The following APBB2 variants were observed in gnomAD, a reference collection of about 807,000 sequenced individuals.
APBB2 encodes amyloid beta precursor protein binding family B member 2, also known as Fe65-like 1.
A neutral mutation model predicts 82.5 loss-of-function variants in APBB2; 38 were observed. The ratio of observed to expected loss-of-function variants is 0.46; its 90% CI spans 0.36 to 0.60. The LOEUF (loss-of-function observed/expected upper bound fraction) is 0.60, where lower values mean the gene tolerates loss of function less well. APBB2 is among the 20% of genes least tolerant of loss of function. The pLI is 0.00. For synonymous variants in APBB2, 341 were observed against 368.2 expected (o/e 0.93, Z 0.85); for missense variants, 772 against 972.3 (o/e 0.79, Z 2.74).
chr4:41,117,291 TA>T (rs1291136925), intron 2 of APBB2, among the ~76,000 whole-genome samples: 21 of 133,272 alleles, frequency 1.6e-4, no homozygotes, highest in East Asian at 1.2e-3. Flanking sequence ...TTATTATTAT[TA>T]TTATTTTTTT....
chr4:41,167,870 G>A (rs918693417), intron 1 of APBB2, among the ~76,000 whole-genome samples: 1 of 152,228 alleles, frequency 6.6e-6, no homozygotes, highest in Non-Finnish European at 1.5e-5. Context: ...AAGGAGGAGA[G>A]CTGCACTGAA....
chr4:40,919,143 C>T (rs1325054398), intron 10 of APBB2, among the ~76,000 whole-genome samples: 1 of 152,082 alleles, frequency 6.6e-6, no homozygotes, highest in Non-Finnish European at 1.5e-5. Context: ...TCTGAACTGG[C>T]AAGTGCTTTA....
At chr4:41,156,210 G>A (rs866857739) in intron 1 of APBB2, among the ~76,000 whole-genome samples, 1 of 152,054 alleles carries the variant, frequency 6.6e-6, no homozygotes, top group African/African-American at 2.4e-5. Flanking sequence ...GAGAAGAACA[G>A]GAGGAAGAAA....
At chr4:41,146,700 G>A (rs2154024633) in intron 1 of APBB2, among the ~76,000 whole-genome samples, 1 of 152,250 alleles carries the variant, frequency 6.6e-6, no homozygotes, top group African/African-American at 2.4e-5. Context: ...AAACCCAGGA[G>A]TCTCACAAAA....
chr4:40,959,787 A>G (rs1017020123), intron 6 of APBB2, among the ~76,000 whole-genome samples: 2 of 152,242 alleles, frequency 1.3e-5, no homozygotes, highest in African/African-American at 2.4e-5. Flanking sequence ...TATTTCTGAT[A>G]TAAGAACTAT....
At chr4:41,088,520 G>A (rs993074925) in intron 3 of APBB2, among the ~76,000 whole-genome samples, 5 of 152,364 alleles carry the variant, frequency 3.3e-5, no homozygotes, top group East Asian at 3.9e-4. Context: ...ATCCTGGGAA[G>A]AAGCAGATCC....
chr4:40,944,663 C>A (rs1416256094), intron 7 of APBB2, among the ~76,000 whole-genome samples: 2 of 152,012 alleles, frequency 1.3e-5, no homozygotes, highest in African/African-American at 2.4e-5. Context: ...AGACCAAAAG[C>A]CATTAAAAAA....
intron 3 of APBB2, among the ~76,000 whole-genome samples, chr4:41,092,440 A>C (rs1438223270): frequency 6.6e-6 from 1 of 152,188 alleles, no homozygotes; most frequent in Non-Finnish European, 1.5e-5. Context: ...TTTAAAGCGC[A>C]GAACTAAGCA....
At position 40,813,202 on chromosome 4, in the gene APBB2, CTG is replaced by C. The variant is rs1744766503; in HGVS notation, c.*2888_*2889del. 1 of 152,060 alleles carries C rather than the reference CTG, an allele frequency of 6.6e-6. No individual in the cohort carries two copies. The highest frequency in any genetic ancestry group is 1.5e-5 in the Non-Finnish European group (1 of 68,022). The allele number at this position is 152,060 out of a possible 1,614,324, so 9.4% of individuals were successfully genotyped here. On this transcript the variant is annotated 3_prime_UTR_variant, in exon 18 of 18. Coordinates refer to ENST00000508593, the MANE Select transcript of APBB2 (RefSeq NM_004307.2). The stretch of plus-strand genomic sequence containing the variant: ...CACTTTTTAGGCAATGTATAGTTCA[CTG>C]AGATTACTTAGATCTGGATACACTG...
At chr4:41,051,949 G>A (rs1726115665) in intron 4 of APBB2, among the ~76,000 whole-genome samples, 1 of 152,190 alleles carries the variant, frequency 6.6e-6, no homozygotes, top group African/African-American at 2.4e-5. Context: ...AATGTCTGTT[G>A]TGGGAATTAA....
chr4:40,923,061 G>A (rs1332271750), intron 10 of APBB2, among the ~76,000 whole-genome samples: 14 of 150,296 alleles, frequency 9.3e-5, no homozygotes, highest in Admixed American at 4.0e-4. Context: ...TGCAAGCTCC[G>A]CCCTCCCAGG....
chr4:40,975,787 C>CACACACACACACACA (rs778948957), intron 6 of APBB2, among the ~76,000 whole-genome samples: 10 of 150,440 alleles, frequency 6.6e-5, no homozygotes, highest in Non-Finnish European at 1.3e-4. Context: ...CACACACACA[C>CACACACACACACACA]ACAACAACCA....
intron 2 of APBB2, among the ~76,000 whole-genome samples, chr4:41,123,242 T>A (rs1753407285): frequency 1.3e-5 from 2 of 151,926 alleles, no homozygotes; most frequent in Non-Finnish European, 2.9e-5. Flanking sequence ...CGTCACTGGC[T>A]GAACAGTGGC....
intron 10 of APBB2, among the ~76,000 whole-genome samples, chr4:40,906,479 A>G (rs921283028): frequency 3.3e-5 from 5 of 150,414 alleles, no homozygotes; most frequent in Non-Finnish European, 7.4e-5. Context: ...AAAAAAAAAA[A>G]AAAAAAAAAG....
At chr4:41,133,698 C>T (rs1328254376) in intron 2 of APBB2, among the ~76,000 whole-genome samples, 2 of 152,176 alleles carry the variant, frequency 1.3e-5, no homozygotes, top group Non-Finnish European at 2.9e-5. Flanking sequence ...AGAAAAGCAA[C>T]AGATTGACCA....
intron 1 of APBB2, chr4:41,194,194 T>A: frequency 6.7e-6 from 1 of 149,566 alleles, no homozygotes; most frequent in East Asian, 1.9e-4. Flanking sequence ...TGATGGTGTG[T>A]GCCTGTCTTC....
chr4:40,847,628 C>G (rs1370871438), intron 12 of APBB2, among the ~76,000 whole-genome samples: 1 of 152,142 alleles, frequency 6.6e-6, no homozygotes, highest in Non-Finnish European at 1.5e-5. Context: ...TGCAGACAAG[C>G]CTCCTACTTA....
Position 40,890,431 on chromosome 4 carries a change from G to T in APBB2, c.1462C>A (p.Arg488Ser), listed in dbSNP as rs567448585. The stretch of plus-strand genomic sequence containing the variant: ...ATGGGCTGCGAGTGCAGCACGCTGC[G>T]GTCCATGGGGTCCACCAGGCTGAGC... ...DMLSLVDPMD[R>S]SVLHSQPIVS... Residue 488 changes from arginine (R) to serine (S), a missense_variant, in exon 12 of 18, where the codon CGC (arginine) becomes AGC (serine). Physicochemically the swap from Arg to Ser is moderately radical, Grantham distance 110. Coordinates refer to ENST00000508593, the MANE Select transcript of APBB2 (RefSeq NM_004307.2). 6.2e-7 allele frequency: 1 copy of T among 1,614,064 alleles called. No homozygotes were observed. Among genetic ancestry groups the T allele is most frequent in the Non-Finnish European group, 8.5e-7 (1 of 1,180,026 alleles).
rs1491461148 is a variant in APBB2, at chr4:40,982,448, A to AGAAAGAAAGAAG, written c.835+31134_835+31135insCTTCTTTCTTTC. Among the ~76,000 whole-genome samples the AGAAAGAAAGAAG allele has an allele frequency of 2.8e-4, 37 of 131,276 alleles. 4 individuals are homozygous for AGAAAGAAAGAAG. Among genetic ancestry groups the AGAAAGAAAGAAG allele is most frequent in the African/African-American group, 9.8e-4 (34 of 34,538 alleles). The allele number at this position is 131,276 out of a possible 152,430, so 86.1% of individuals were successfully genotyped here. A position where few individuals can be genotyped will look rare whatever the true frequency, so the allele number is the denominator to read the frequency against. On this transcript the variant is annotated intron_variant, in intron 6 of 17. Transcript: ENST00000508593. ...AAGAAAGAAAGAAAGAAAGAAAGAA[A>AGAAAGAAAGAAG]GAAAGAATGAATGAATTTGAGACCA...
Sources: gnomAD v4.1 joint callset for allele counts (sites outside exome capture counted in the v4.1 genomes callset) on GRCh38, gnomAD v4.1.1 for gene constraint, MANE v1.5 for transcripts, NCBI Gene and HGNC (gene_info 2026-07-23, HGNC 2026-07-21) for gene names.